Variants in GSTCD observed in about 807,000 individuals in gnomAD.
The protein encoded by GSTCD is glutathione S-transferase C-terminal domain-containing protein.
Under a neutral mutation model 68.3 loss-of-function variants are expected in GSTCD, and 44 were observed. That is an observed-to-expected ratio of 0.64 (90% confidence interval 0.51 to 0.83). The LOEUF (loss-of-function observed/expected upper bound fraction) is 0.83. GSTCD is among the 40% of genes least tolerant of loss of function. GSTCD has a pLI of 0.00. For missense variants in GSTCD, 739 were observed against 735.9 expected, an observed-to-expected ratio of 1.00 and a Z score of -0.05; for synonymous variants, 273 against 255.2, an observed-to-expected ratio of 1.07 and a Z score of -0.67.
intron 5 of GSTCD, among the ~76,000 whole-genome samples, chr4:105,793,553 G>T (rs1735757619): frequency 6.6e-6 from 1 of 151,398 alleles, no homozygotes; most frequent in African/African-American, 2.4e-5. Context: ...GAATTGAATT[G>T]AATTGAAAAA....
chr4:105,718,180 C>T (rs1578406063), intron 2 of GSTCD, 141 bp downstream of exon 2: 2 of 669,264 alleles, frequency 3.0e-6, no homozygotes, highest in East Asian at 5.6e-5. Context: ...AATAAAGTAG[C>T]CCTTTGATAT....
chr4:105,731,017 G>A (rs945673855), intron 5 of GSTCD, among the ~76,000 whole-genome samples: 5 of 152,190 alleles, frequency 3.3e-5, no homozygotes, highest in Non-Finnish European at 5.9e-5. Flanking sequence ...TTTTTGTCAG[G>A]TTTGTCAAAG....
intron 5 of GSTCD, among the ~76,000 whole-genome samples, chr4:105,763,312 T>G (rs1734484634): frequency 6.6e-6 from 1 of 152,198 alleles, no homozygotes; most frequent in Non-Finnish European, 1.5e-5. Context: ...TAAGCATTTT[T>G]CTTCTCAGCC....
intron 5 of GSTCD, among the ~76,000 whole-genome samples, chr4:105,775,826 T>G (rs1735037636): frequency 6.6e-6 from 1 of 152,198 alleles, no homozygotes; most frequent in South Asian, 2.1e-4. Flanking sequence ...GGCACGGTGG[T>G]CAGGGACCCA....
intron 5 of GSTCD, among the ~76,000 whole-genome samples, chr4:105,782,462 A>T (rs1735312876): frequency 6.6e-6 from 1 of 152,220 alleles, no homozygotes; most frequent in South Asian, 2.1e-4. Flanking sequence ...ACTGCAGTCC[A>T]GCCTGGGCAA....
chr4:105,722,164 TTAAA>T (rs1732876301), intron 3 of GSTCD, among the ~76,000 whole-genome samples: 1 of 152,018 alleles, frequency 6.6e-6, no homozygotes, highest in Non-Finnish European at 1.5e-5. Context: ...TGAATTGAGT[TTAAA>T]TACACACATA....
rs537807342 is a variant in GSTCD at position 105,795,901 on chromosome 4, C to T, written c.1241-27053C>T. Among the ~76,000 whole-genome samples, 16 of 151,084 alleles carry T rather than the reference C, an allele frequency of 1.1e-4. No individual in the cohort carries two copies. In the South Asian group the frequency reaches 3.3e-3, roughly 31 times the overall value. ...TTACATATTTTGATACTTTGCTGTTCTGTCCATAAAAATTCACAACTGCTG... is the reference window on the plus strand; with the variant it reads ...TTACATATTTTGATACTTTGCTGTTTTGTCCATAAAAATTCACAACTGCTG... On this transcript the variant is annotated intron_variant, in intron 5 of 11. Transcript: ENST00000515279.
At chr4:105,821,975 A>G (rs1218167128) in intron 5 of GSTCD, among the ~76,000 whole-genome samples, 1 of 151,862 alleles carries the variant, frequency 6.6e-6, no homozygotes, top group African/African-American at 2.4e-5. Flanking sequence ...AGAAAAGAAA[A>G]ATGTCATGCC....
At chr4:105,780,690 T>C (rs1373675139) in intron 5 of GSTCD, among the ~76,000 whole-genome samples, 3 of 152,230 alleles carry the variant, frequency 2.0e-5, no homozygotes, top group Non-Finnish European at 2.9e-5. Flanking sequence ...TCATGTCAAA[T>C]GATTCTTTTA....
At chr4:105,838,369 G>C (rs968601968) in intron 10 of GSTCD, among the ~76,000 whole-genome samples, 1 of 152,212 alleles carries the variant, frequency 6.6e-6, no homozygotes, top group African/African-American at 2.4e-5. Context: ...ATCTATAACA[G>C]AGGAAAATTC....
chr4:105,760,099 T>C (rs1194753993), intron 5 of GSTCD, among the ~76,000 whole-genome samples: 10 of 150,692 alleles, frequency 6.6e-5, no homozygotes, highest in Non-Finnish European at 1.5e-5. Context: ...CTGTGTCTTA[T>C]GCAGCTTAGT....
At chr4:105,782,099 C>G (rs563633673) in intron 5 of GSTCD, among the ~76,000 whole-genome samples, 16 of 152,256 alleles carry the variant, frequency 1.1e-4, no homozygotes, top group Middle Eastern at 3.4e-3. Context: ...CTGAATGCCA[C>G]TGGCAAAACT....
chr4:105,796,210 A>G (rs546112755), intron 5 of GSTCD, among the ~76,000 whole-genome samples: 1 of 152,222 alleles, frequency 6.6e-6, no homozygotes, highest in African/African-American at 2.4e-5. Flanking sequence ...AAAGAGAGAG[A>G]GAGCGAGCTT....
chr4:105,720,660 G>T (rs1432994027), intron 3 of GSTCD, among the ~76,000 whole-genome samples: 1 of 152,180 alleles, frequency 6.6e-6, no homozygotes, highest in Non-Finnish European at 1.5e-5. Context: ...TCTTCACAGA[G>T]TCCATGGAGT....
chr4:105,774,297 C>T (rs1734969897), intron 5 of GSTCD, among the ~76,000 whole-genome samples: 1 of 152,144 alleles, frequency 6.6e-6, no homozygotes, highest in Admixed American at 6.5e-5. Context: ...TGGGTCTTGA[C>T]TGTATTCAAT....
At chr4:105,725,878 A>G (rs750049708) in intron 3 of GSTCD, among the ~76,000 whole-genome samples, 1 of 152,272 alleles carries the variant, frequency 6.6e-6, no homozygotes, top group Non-Finnish European at 1.5e-5. Flanking sequence ...AAACAGACTG[A>G]TAATACCAAG....
intron 1 of GSTCD, among the ~76,000 whole-genome samples, chr4:105,709,907 CTG>C (rs1732462048): frequency 6.6e-6 from 1 of 152,050 alleles, no homozygotes; most frequent in African/African-American, 2.4e-5. Context: ...TGATAATAAA[CTG>C]TTATAACACA....
At chr4:105,736,757 A>G (rs986638836) in intron 5 of GSTCD, among the ~76,000 whole-genome samples, 4 of 152,120 alleles carry the variant, frequency 2.6e-5, no homozygotes, top group Admixed American at 1.3e-4. Context: ...TCCAGTCCCT[A>G]GTAACTACTA....
intron 5 of GSTCD, among the ~76,000 whole-genome samples, chr4:105,782,117 G>T (rs1195460369): frequency 6.6e-6 from 1 of 152,154 alleles, no homozygotes; most frequent in Admixed American, 6.5e-5. Flanking sequence ...ACTAAGCAAT[G>T]TTCTGGTTAA....
Sources: allele counts gnomAD v4.1 joint callset (sites outside exome capture counted in the v4.1 genomes callset), GRCh38; gene constraint gnomAD v4.1.1; transcripts MANE v1.5; gene names NCBI Gene and HGNC (gene_info 2026-07-23, HGNC 2026-07-21).